The following CCDC42 variants were observed in gnomAD, a reference collection of about 807,000 sequenced individuals.
CCDC42 encodes the protein coiled-coil domain containing 42.
CCDC42 carries 38 observed loss-of-function variants against 40.8 expected under a neutral mutation model. That is an observed-to-expected ratio of 0.93 (90% CI 0.72 to 1.22). The LOEUF is 1.22. CCDC42 is among the 50% of genes most tolerant of loss of function. The pLI is 0.00. For synonymous variants in CCDC42, 135 were observed against 157.5 expected, an observed-to-expected ratio of 0.86 and a Z score of 1.07; for missense variants, 379 against 416.5, an observed-to-expected ratio of 0.91 and a Z score of 0.78.
intron 6 of CCDC42, among the ~76,000 whole-genome samples, chr17:8,734,623 C>T (rs945063577): frequency 6.6e-6 from 1 of 151,946 alleles, no homozygotes; most frequent in Admixed American, 6.6e-5. Flanking sequence ...TCCCAAAGTG[C>T]TGGGATTACA....
chr17:8,741,338 A>T, intron 4 of CCDC42, 136 bp downstream of exon 4: 1 of 857,900 alleles, frequency 1.2e-6, no homozygotes, highest in East Asian at 2.4e-5. Flanking sequence ...CCCATCCTGC[A>T]GAGCTCCTGG....
At chr17:8,740,511 A>AAAG (rs2086636550) in intron 4 of CCDC42, among the ~76,000 whole-genome samples, 1 of 146,904 alleles carries the variant, frequency 6.8e-6, no homozygotes, top group Non-Finnish European at 1.5e-5. Flanking sequence ...AAAAAAAAAA[A>AAAG]GTGGAGGATC....
At chr17:8,732,506 A>T (rs150839326) in intron 6 of CCDC42, among the ~76,000 whole-genome samples, 102 of 152,272 alleles carry the variant, frequency 6.7e-4, no homozygotes, top group African/African-American at 2.3e-3. Flanking sequence ...TGCAAATGAG[A>T]AAACAGAGAG....
In CCDC42 at chr17:8,744,496, G is replaced by A. The variant is rs1217663899; in HGVS notation, c.83+31C>T. The A allele has an allele frequency of 2.5e-6, 4 of 1,581,082 alleles. No homozygotes were observed. The African/African-American group carries it at 4.0e-5, about 16-fold the overall frequency. On this transcript the variant is annotated intron_variant, in intron 1 of 6. Transcript: ENST00000293845. Reference sequence around the variant, plus strand: ...GGGTGTGAGTGGTCCCAGGCACAGAGGGGTGGGCAAGCCAGGCCTCAGACA... The same window carrying A: ...GGGTGTGAGTGGTCCCAGGCACAGAAGGGTGGGCAAGCCAGGCCTCAGACA...
At position 8,735,363 on chromosome 17, in the gene CCDC42, G is replaced by A. The variant is rs778272908; in HGVS notation, c.714+27C>T. ...GCCCGCACTCACCCAGTGCCTGGGA[G>A]CCCCCGGCCCGCCCCGGGCCCCTCA... On this transcript the variant is annotated intron_variant, in intron 5 of 6. Coordinates refer to ENST00000293845, the MANE Select transcript of CCDC42 (RefSeq NM_144681.3). The surrounding 1 kb of genome is among the most constrained non-coding windows in gnomAD (Gnocchi z 4.7). 2.5e-6 allele frequency: 4 copies of A among 1,612,300 alleles called. No homozygotes were observed. The East Asian group carries it at 8.9e-5, about 36-fold the overall frequency.
rs1555631440 is a variant in CCDC42 at position 8,730,077 on chromosome 17, ACTT to A, written c.*50_*52del. ...GGACTGACTGGACCGCAGGCTCACG[ACTT>A]CTTCTTTCACGATCTCTGTCTCAGG... On this transcript the variant is annotated 3_prime_UTR_variant, in exon 7 of 7. Transcript: ENST00000293845. 26 of 1,559,936 alleles carry A rather than the reference ACTT, an allele frequency of 1.7e-5. No individual in the cohort carries two copies. Among genetic ancestry groups the A allele is most frequent in the Middle Eastern group, 1.7e-4 (1 of 5,848 alleles).
intron 4 of CCDC42, among the ~76,000 whole-genome samples, chr17:8,737,678 C>T (rs1226989325): frequency 1.3e-5 from 2 of 152,148 alleles, no homozygotes; most frequent in Non-Finnish European, 2.9e-5. Context: ...ATTAATTTTA[C>T]CTGTTTTTAA....
intron 4 of CCDC42, among the ~76,000 whole-genome samples, chr17:8,740,229 G>A (rs1372115951): frequency 6.6e-6 from 1 of 152,060 alleles, no homozygotes; most frequent in Non-Finnish European, 1.5e-5. Context: ...GATCGCTCAC[G>A]CCTGTAATTC....
At position 8,744,548 on chromosome 17, in the gene CCDC42, T is replaced by C; in HGVS notation, c.62A>G (p.Glu21Gly). 2 of 1,612,102 alleles carry C rather than the reference T, an allele frequency of 1.2e-6. No homozygotes were observed. Among genetic ancestry groups the C allele is most frequent in the East Asian group, 2.2e-5 (1 of 44,868 alleles). ...TCACTGGAGCATCTGCAGCAGCCGC[T>C]CCCCATACTGCAGCCGGAAGTACTC... ...LAEYFRLQYG[E>G]RLLQMLQKLP... The change falls in exon 1 of 7, where the codon GAG (glutamate) becomes GGG (glycine). Residue 21 changes from glutamate to glycine, a missense_variant. Transcript: ENST00000293845.
intron 4 of CCDC42, among the ~76,000 whole-genome samples, chr17:8,739,301 A>G (rs2086628266): frequency 6.6e-6 from 1 of 152,120 alleles, no homozygotes; most frequent in South Asian, 2.1e-4. Flanking sequence ...AGGAGGGAGG[A>G]GCCAAGGAGG....
In CCDC42 at chr17:8,744,381, G is replaced by A; in HGVS notation, c.83+146C>T. The A allele has an allele frequency of 1.3e-5, 10 of 759,124 alleles. No homozygotes were observed. In the South Asian group the frequency reaches 1.6e-4, roughly 12 times the overall value. The allele number at this position is 759,124 out of a possible 1,614,324, so 47.0% of individuals were successfully genotyped here. A position where few individuals can be genotyped will look rare whatever the true frequency, so the allele number is the denominator to read the frequency against. ...GGGGAGGGTGACGGGGTGGAGACCA[G>A]CGTGATGAGGTGGACTGGTGCCAAG... is the stretch of plus-strand genomic sequence containing the variant. On this transcript the variant is annotated intron_variant, in intron 1 of 6. Coordinates refer to ENST00000293845, the MANE Select transcript of CCDC42 (RefSeq NM_144681.3).
Position 8,743,640 on chromosome 17 carries a change from C to T in CCDC42, c.280G>A (p.Glu94Lys), listed in dbSNP as rs375603371. The T allele has an allele frequency of 6.2e-7, 1 of 1,608,998 alleles. No individual in the cohort carries two copies. Among genetic ancestry groups the T allele is most frequent in the Non-Finnish European group, 8.5e-7 (1 of 1,175,442 alleles). ...CCCCTTCAAACCTGGATGAACTGCT[C>T]AGACTTCTGGATGTGAGCCTTCAGT... ...AQLKAHIQKS[E>K]QFIQENDQKR... Residue 94 changes from glutamate to lysine, a missense_variant, in exon 3 of 7, where the codon GAG (glutamate) becomes AAG (lysine). Glu to Lys is a moderately conservative substitution (Grantham distance 56). Coordinates refer to ENST00000293845, the MANE Select transcript of CCDC42 (RefSeq NM_144681.3).
intron 3 of CCDC42, 106 bp from the exon 4 acceptor site, chr17:8,741,777 A>G (rs1313991393): frequency 1.8e-6 from 2 of 1,103,672 alleles, no homozygotes; most frequent in East Asian, 5.1e-5. Flanking sequence ...GTCTGCACAA[A>G]CCATCCTGGC....
At chr17:8,743,795 C>G in intron 2 of CCDC42, 65 bp from the exon 3 acceptor site, 1 of 944,798 alleles carries the variant, frequency 1.1e-6, no homozygotes, top group Non-Finnish European at 1.7e-6. Context: ...CCAAGGAAGA[C>G]CCCAGCATCC....
At position 8,729,977 on chromosome 17, in the gene CCDC42, A is replaced by G. The variant is rs1300311021; in HGVS notation, c.*153T>C. On this transcript the variant is annotated 3_prime_UTR_variant, in exon 7 of 7. Transcript: ENST00000293845. The stretch of plus-strand genomic sequence containing the variant: ...CATATAACATTCACTGTTTTCAGGG[A>G]TAGAGTGAGGCCCACGGGGGAAAAT... 3.0e-6 allele frequency: 2 copies of G among 672,640 alleles called. No homozygotes were observed. Among genetic ancestry groups the G allele is most frequent in the East Asian group, 2.8e-5 (1 of 35,862 alleles). The allele number at this position is 672,640 out of a possible 1,614,324, so 41.7% of individuals were successfully genotyped here.
At chr17:8,741,418 A>C in intron 4 of CCDC42, 56 bp downstream of exon 4, 1 of 1,527,516 alleles carries the variant, frequency 6.5e-7, no homozygotes, top group Non-Finnish European at 9.1e-7. Context: ...GCCCCGGGGA[A>C]GAGAGGTGGG....
At chr17:8,731,303 G>A (rs1256673581) in intron 6 of CCDC42, among the ~76,000 whole-genome samples, 7 of 152,194 alleles carry the variant, frequency 4.6e-5, no homozygotes, top group Non-Finnish European at 7.3e-5. Flanking sequence ...ATACACCGTT[G>A]GTGGAAGTGC....
chr17:8,737,946 G>A (rs2086621389), intron 4 of CCDC42, among the ~76,000 whole-genome samples: 1 of 152,014 alleles, frequency 6.6e-6, no homozygotes, highest in Non-Finnish European at 1.5e-5. Flanking sequence ...CTCCCAAGTA[G>A]ATGGGACCAC....
chr17:8,735,713 C>A lies in CCDC42; in HGVS notation c.493-102G>T. On this transcript the variant is annotated intron_variant, in intron 4 of 6. Coordinates refer to ENST00000293845, the MANE Select transcript of CCDC42 (RefSeq NM_144681.3). This position sits in a 1 kb window ranked among gnomAD's most constrained non-coding sequence, Gnocchi z 4.7. ...GCCTGGATGCCTGGACACCTGGACA[C>A]CTGGGCAGGCAGGCCCTTGGCCAGG... The A allele has an allele frequency of 3.1e-6, 3 of 968,388 alleles. No individual in the cohort carries two copies. Among genetic ancestry groups the A allele is most frequent in the Non-Finnish European group, 3.0e-6 (2 of 659,096 alleles). The allele number at this position is 968,388 out of a possible 1,614,324, so 60.0% of individuals were successfully genotyped here. A position where few individuals can be genotyped will look rare whatever the true frequency, so the allele number is the denominator to read the frequency against.
Sources: gnomAD v4.1 joint callset for allele counts (sites outside exome capture counted in the v4.1 genomes callset) on GRCh38, gnomAD v4.1.1 for gene constraint, Gnocchi (gnomAD v3.1) non-coding constraint, MANE v1.5 for transcripts, NCBI Gene and HGNC (gene_info 2026-07-23, HGNC 2026-07-21) for gene names.